Variants in GPC5 observed in about 807,000 individuals in gnomAD.
GPC5 encodes glypican 5, also known as glypican-5.
A neutral mutation model predicts 53.9 loss-of-function variants in GPC5; 47 were observed. The ratio of observed to expected loss-of-function variants is 0.87; its 90% confidence interval spans 0.69 to 1.11. GPC5 has a LOEUF of 1.11. GPC5 is among the 50% of genes most tolerant of loss of function. The pLI is 0.00. For missense variants in GPC5, 748 were observed against 713.1 expected, an observed-to-expected ratio of 1.05 and a Z score of -0.56; for synonymous variants, 286 against 263.3, an observed-to-expected ratio of 1.09 and a Z score of -0.84.
chr13:92,138,611 A>G (rs960391809), intron 6 of GPC5, among the ~76,000 whole-genome samples: 5 of 152,154 alleles, frequency 3.3e-5, no homozygotes, highest in East Asian at 3.9e-4. Flanking sequence ...TCATTTGTGT[A>G]TGTTCGCTTA....
At chr13:92,668,095 G>A (rs1230801978) in intron 7 of GPC5, among the ~76,000 whole-genome samples, 1 of 152,094 alleles carries the variant, frequency 6.6e-6, no homozygotes, top group Non-Finnish European at 1.5e-5. Flanking sequence ...ATGTGTGAAT[G>A]TATGTGATTT....
intron 7 of GPC5, among the ~76,000 whole-genome samples, chr13:92,426,182 T>C (rs2139368534): frequency 6.6e-6 from 1 of 152,204 alleles, no homozygotes; most frequent in African/African-American, 2.4e-5. Context: ...CCTCTTCTCC[T>C]TCCCTAAGAC....
At chr13:92,343,111 A>T (rs1210191404) in intron 7 of GPC5, among the ~76,000 whole-genome samples, 1 of 152,224 alleles carries the variant, frequency 6.6e-6, no homozygotes. Flanking sequence ...TTTCATTTAC[A>T]GAGAAACATT....
intron 5 of GPC5, among the ~76,000 whole-genome samples, chr13:91,833,160 C>G (rs200173948): frequency 6.6e-6 from 1 of 151,626 alleles, no homozygotes; most frequent in Admixed American, 6.6e-5. Context: ...TGGATAAATT[C>G]CTGGACACAT....
At chr13:92,597,499 C>A (rs1055269596) in intron 7 of GPC5, among the ~76,000 whole-genome samples, 6 of 152,046 alleles carry the variant, frequency 3.9e-5, no homozygotes, top group Non-Finnish European at 7.4e-5. Context: ...AAAAATAAAT[C>A]AATTACATTT....
intron 6 of GPC5, among the ~76,000 whole-genome samples, chr13:92,052,812 G>A (rs1230972393): frequency 1.3e-5 from 2 of 152,142 alleles, no homozygotes; most frequent in African/African-American, 2.4e-5. Flanking sequence ...CAGAGGTGAG[G>A]AAGTTGCAAA....
chr13:92,656,018 T>C (rs1388346780), intron 7 of GPC5, among the ~76,000 whole-genome samples: 2 of 152,056 alleles, frequency 1.3e-5, no homozygotes, highest in African/African-American at 4.8e-5. Flanking sequence ...GAAGTATAAC[T>C]GTAATATACA....
rs34229037 is a variant in GPC5, at chr13:92,719,167, G to GCC, written c.1562-147107_1562-147106dup. Among the ~76,000 whole-genome samples, 71 of 147,478 alleles carry GCC rather than the reference G, an allele frequency of 4.8e-4. 1 individual carries two copies. The highest frequency in any genetic ancestry group is 3.1e-3 in the South Asian group (14 of 4,504). On this transcript the variant is annotated intron_variant, in intron 7 of 7. Coordinates refer to ENST00000377067, the MANE Select transcript of GPC5 (RefSeq NM_004466.6). The stretch of plus-strand genomic sequence containing the variant: ...TTGAAATACATAGATGATTCCTATA[G>GCC]CCCCCCCCCACATAATGATTTTGTA...
At chr13:92,136,710 T>C (rs2138970473) in intron 6 of GPC5, among the ~76,000 whole-genome samples, 1 of 146,994 alleles carries the variant, frequency 6.8e-6, no homozygotes, top group South Asian at 2.1e-4. Flanking sequence ...TTTGGAGATA[T>C]TTGAATATGA....
chr13:92,225,500 A>T (rs563014472), intron 7 of GPC5, among the ~76,000 whole-genome samples: 83 of 152,302 alleles, frequency 5.4e-4, no homozygotes, highest in African/African-American at 1.9e-3. Context: ...TCTGAGGGGA[A>T]GTGTTGAAAA....
At chr13:92,540,683 T>A (rs10161609) in intron 7 of GPC5, among the ~76,000 whole-genome samples, 15,955 of 151,740 alleles carry the variant, frequency 0.11, 1,188 homozygotes, top group African/African-American at 0.2. Flanking sequence ...AAAACTTGAG[T>A]AGAAAATAAT....
chr13:92,703,441 G>A (rs1887829613), intron 7 of GPC5, among the ~76,000 whole-genome samples: 1 of 151,378 alleles, frequency 6.6e-6, no homozygotes, highest in Non-Finnish European at 1.5e-5. Context: ...CTCTGGAAAA[G>A]CAATATTATA....
At chr13:91,502,936 T>G (rs1176501237) in intron 2 of GPC5, among the ~76,000 whole-genome samples, 1 of 152,138 alleles carries the variant, frequency 6.6e-6, no homozygotes. Context: ...TCTGGTGTAT[T>G]TAGGAGAATG....
chr13:92,548,054 T>C (rs1882187503), intron 7 of GPC5, among the ~76,000 whole-genome samples: 1 of 150,020 alleles, frequency 6.7e-6, no homozygotes. Flanking sequence ...TTAGCCAGGA[T>C]GGTCTCGATC....
intron 7 of GPC5, among the ~76,000 whole-genome samples, chr13:92,149,350 TTAGGAGG>T (rs1292081175): frequency 3.3e-5 from 5 of 152,026 alleles, no homozygotes; most frequent in Non-Finnish European, 7.4e-5. Context: ...GTGTAATACC[TTAGGAGG>T]TAGGAGGTAG....
At chr13:92,159,048 A>T (rs976264994) in intron 7 of GPC5, among the ~76,000 whole-genome samples, 1 of 152,136 alleles carries the variant, frequency 6.6e-6, no homozygotes, top group Non-Finnish European at 1.5e-5. Flanking sequence ...AACCCAGAAG[A>T]CTGTTATAGC....
At chr13:91,769,418 G>T (rs1594545350) in intron 5 of GPC5, among the ~76,000 whole-genome samples, 1 of 152,308 alleles carries the variant, frequency 6.6e-6, no homozygotes, top group East Asian at 1.9e-4. Context: ...TATTTTAGGT[G>T]AGGAATGAGA....
At chr13:91,592,316 G>A (rs79466460) in intron 2 of GPC5, among the ~76,000 whole-genome samples, 1,979 of 152,296 alleles carry the variant, frequency 0.013, 23 homozygotes, top group Middle Eastern at 0.034. Context: ...TTCCTTGTGT[G>A]TACAGTCATG....
chr13:92,153,164 T>G (rs2041919520), intron 7 of GPC5, among the ~76,000 whole-genome samples: 1 of 152,018 alleles, frequency 6.6e-6, no homozygotes, highest in Non-Finnish European at 1.5e-5. Flanking sequence ...TGAGACTGAG[T>G]CTCTGTCACC....
Sources: gnomAD v4.1 joint callset for allele counts (sites outside exome capture counted in the v4.1 genomes callset) on GRCh38, gnomAD v4.1.1 for gene constraint, MANE v1.5 for transcripts, NCBI Gene and HGNC (gene_info 2026-07-23, HGNC 2026-07-21) for gene names.